The following ZBBX variants were observed in gnomAD, a reference collection of about 807,000 sequenced individuals.
ZBBX encodes the protein zinc finger B-box domain containing.
In ZBBX, 101 loss-of-function variants were observed where a neutral mutation model predicts 108.5. The ratio of observed to expected loss-of-function variants is 0.93; its 90% confidence interval spans 0.79 to 1.10. The LOEUF is 1.10. Ranked by LOEUF, ZBBX falls within the 50% of genes least tolerant of loss-of-function variation. The probability of loss-of-function intolerance (pLI) is 0.00; values close to 1 mark genes in which losing one functional copy is unlikely to be tolerated. For missense variants in ZBBX, 1,009 were observed against 941.4 expected, an observed-to-expected ratio of 1.07 and a Z score of -0.94; for synonymous variants, 356 against 323.4, an observed-to-expected ratio of 1.10 and a Z score of -1.08.
the ZBBX span, among the ~76,000 whole-genome samples, chr3:167,218,621 A>G: frequency 6.6e-6 from 1 of 152,106 alleles, no homozygotes; most frequent in Non-Finnish European, 1.5e-5. Flanking sequence ...TAAAAAATAC[A>G]ACAGATACAC....
chr3:167,358,745 G>A (rs1462225529), intron 8 of ZBBX, among the ~76,000 whole-genome samples: 3 of 151,748 alleles, frequency 2.0e-5, no homozygotes, highest in African/African-American at 7.3e-5. Context: ...GACCATCCTG[G>A]CTAACATGGT....
At chr3:167,229,409 T>C in the ZBBX span, among the ~76,000 whole-genome samples, 1 of 151,862 alleles carries the variant, frequency 6.6e-6, no homozygotes, top group Non-Finnish European at 1.5e-5. Flanking sequence ...AGACCATAAA[T>C]TGCTTGAGGC....
intron 10 of ZBBX, among the ~76,000 whole-genome samples, chr3:167,329,411 G>C (rs1243230897): frequency 6.6e-6 from 1 of 152,160 alleles, no homozygotes; most frequent in Non-Finnish European, 1.5e-5. Context: ...TATTGTTAAA[G>C]ACGTATATAA....
intron 2 of ZBBX, among the ~76,000 whole-genome samples, chr3:167,377,091 T>C (rs900161897): frequency 3.3e-5 from 5 of 152,164 alleles, no homozygotes; most frequent in African/African-American, 9.7e-5. Flanking sequence ...GTTACCTGAT[T>C]TATTAGACTA....
chr3:167,301,281 C>T (rs1021007821), intron 17 of ZBBX, among the ~76,000 whole-genome samples: 1 of 152,198 alleles, frequency 6.6e-6, no homozygotes, highest in Non-Finnish European at 1.5e-5. Context: ...TCCTGACAGA[C>T]TCTGATCAGT....
intron 20 of ZBBX, among the ~76,000 whole-genome samples, chr3:167,259,284 G>T (rs909320966): frequency 6.6e-6 from 1 of 152,082 alleles, no homozygotes; most frequent in Non-Finnish European, 1.5e-5. Context: ...AGCCTTGAAT[G>T]ATCTTTTGTA....
Position 167,317,472 on chromosome 3 carries a change from T to C in ZBBX, c.1093+16A>G, listed in dbSNP as rs747645454. ...GACAATACATTTTAAAAATATCTAA[T>C]CAAGTATGAACTAACCATCACTATC... On this transcript the variant is annotated intron_variant, in intron 13 of 21. Transcript: ENST00000675490. 4 of 1,558,034 alleles carry C rather than the reference T, an allele frequency of 2.6e-6. No homozygotes were observed. In the Admixed American group the frequency reaches 7.5e-5, roughly 29 times the overall value.
intron 18 of ZBBX, among the ~76,000 whole-genome samples, chr3:167,289,909 T>A (rs1441210649): frequency 6.6e-6 from 1 of 151,892 alleles, no homozygotes; most frequent in Non-Finnish European, 1.5e-5. Flanking sequence ...GGGAGAGGTG[T>A]CTGCCATTAC....
At chr3:167,402,689 G>A (rs1180524668) in intron 1 of ZBBX, among the ~76,000 whole-genome samples, 4 of 151,826 alleles carry the variant, frequency 2.6e-5, no homozygotes, top group African/African-American at 7.3e-5. Flanking sequence ...AGGAAAATAT[G>A]AGAATAGGTG....
intron 18 of ZBBX, among the ~76,000 whole-genome samples, chr3:167,293,353 A>T (rs973802409): frequency 6.6e-6 from 1 of 152,202 alleles, no homozygotes; most frequent in African/African-American, 2.4e-5. Context: ...ATCCACAATC[A>T]AGTCGGCTTC....
intron 20 of ZBBX, among the ~76,000 whole-genome samples, chr3:167,251,228 C>A (rs918858812): frequency 6.6e-6 from 1 of 152,192 alleles, no homozygotes; most frequent in African/African-American, 2.4e-5. Context: ...AAACTTTGCA[C>A]TCATTCTCCA....
chr3:167,350,146 T>C (rs1742375478), intron 9 of ZBBX, among the ~76,000 whole-genome samples: 1 of 152,086 alleles, frequency 6.6e-6, no homozygotes, highest in Non-Finnish European at 1.5e-5. Flanking sequence ...ATTTTCTAAT[T>C]TTTAAGTGTC....
chr3:167,337,166 C>T (rs541884378), intron 9 of ZBBX, among the ~76,000 whole-genome samples: 2 of 152,058 alleles, frequency 1.3e-5, no homozygotes, highest in African/African-American at 4.8e-5. Flanking sequence ...ATTCGAAGTT[C>T]ATTTATTGCC....
chr3:167,236,244 T>C (rs1296622037), downstream of ZBBX, among the ~76,000 whole-genome samples: 3 of 151,806 alleles, frequency 2.0e-5, no homozygotes, highest in Non-Finnish European at 4.4e-5. Flanking sequence ...ACTGGCTTTT[T>C]ACATCATTCA....
At chr3:167,394,716 G>C (rs115390949) in intron 1 of ZBBX, among the ~76,000 whole-genome samples, 3,060 of 152,004 alleles carry the variant, frequency 0.02, 106 homozygotes, top group African/African-American at 0.071. Context: ...TGAGAAATTA[G>C]TTCCTCAATA....
At chr3:167,316,309 G>C (rs1297358770) in intron 14 of ZBBX, among the ~76,000 whole-genome samples, 1 of 152,076 alleles carries the variant, frequency 6.6e-6, no homozygotes, top group African/African-American at 2.4e-5. Flanking sequence ...AAAGAAGAAA[G>C]GAAGAAAGCA....
intron 20 of ZBBX, among the ~76,000 whole-genome samples, chr3:167,266,775 G>A (rs553226434): frequency 1.2e-4 from 19 of 152,318 alleles, no homozygotes; most frequent in African/African-American, 4.6e-4. Flanking sequence ...TTCGAGTGCT[G>A]TTTCTTTTGA....
chr3:167,314,277 A>C (rs545318110), intron 15 of ZBBX, among the ~76,000 whole-genome samples, 161 bp from the exon 16 acceptor site: 1 of 152,316 alleles, frequency 6.6e-6, no homozygotes, highest in Admixed American at 6.5e-5. Flanking sequence ...CACATTCTCA[A>C]CTATAAGTAA....
chr3:167,221,948 C>T, the ZBBX span, among the ~76,000 whole-genome samples: 1 of 151,772 alleles, frequency 6.6e-6, no homozygotes, highest in Admixed American at 6.6e-5. Flanking sequence ...AAAAGGGAAC[C>T]TTCATATGTT....
Sources: allele counts gnomAD v4.1 joint callset (sites outside exome capture counted in the v4.1 genomes callset), GRCh38; gene constraint gnomAD v4.1.1; transcripts MANE v1.5; gene names NCBI Gene and HGNC (gene_info 2026-07-23, HGNC 2026-07-21).